The following GPATCH1 variants were observed in gnomAD, a reference collection of about 807,000 sequenced individuals.
GPATCH1 encodes the protein G-patch domain containing 1.
Under a neutral mutation model 114.9 loss-of-function variants are expected in GPATCH1, and 73 were observed. That is an observed-to-expected ratio of 0.64 (90% CI 0.53 to 0.77). The LOEUF (loss-of-function observed/expected upper bound fraction) is 0.77. Among genes scored for constraint, GPATCH1 ranks in the 30% least tolerant of loss-of-function variants. The probability of loss-of-function intolerance (pLI) is 0.00; values close to 1 mark genes in which losing one functional copy is unlikely to be tolerated. For synonymous variants in GPATCH1, 391 were observed against 428.4 expected (o/e 0.91, Z 1.08); for missense variants, 1,058 against 1,144.3 (o/e 0.92, Z 1.09).
intron 8 of GPATCH1, among the ~76,000 whole-genome samples, chr19:33,098,900 C>CA (rs1972693945): frequency 6.8e-6 from 1 of 147,914 alleles, no homozygotes; most frequent in Non-Finnish European, 1.5e-5. Flanking sequence ...TACTTACTTC[C>CA]TTTTTTTTTT....
At chr19:33,095,407 T>G (rs796793883) in intron 5 of GPATCH1, among the ~76,000 whole-genome samples, 12 of 151,906 alleles carry the variant, frequency 7.9e-5, no homozygotes, top group African/African-American at 2.9e-4. Context: ...GATTACAGGC[T>G]TGCGCCACCA....
intron 7 of GPATCH1, 123 bp from the exon 8 acceptor site, chr19:33,097,632 C>A: frequency 1.1e-6 from 1 of 884,696 alleles, no homozygotes; most frequent in Non-Finnish European, 1.8e-6. Context: ...CCGTTCACTT[C>A]TCTCTTGGTG....
chr19:33,099,187 G>A (rs10406916), intron 8 of GPATCH1, among the ~76,000 whole-genome samples: 62,028 of 149,284 alleles, frequency 0.42, 16,281 homozygotes, highest in African/African-American at 0.73. Context: ...TTATTACATA[G>A]TAATGTATTG....
At chr19:33,090,288 G>T (rs550296388) in intron 2 of GPATCH1, among the ~76,000 whole-genome samples, 1 of 152,180 alleles carries the variant, frequency 6.6e-6, no homozygotes, top group Non-Finnish European at 1.5e-5. Context: ...AGGGTACTGT[G>T]AATGTTGCCT....
intron 12 of GPATCH1, 152 bp downstream of exon 12, chr19:33,112,054 T>C: frequency 1.7e-6 from 1 of 590,144 alleles, no homozygotes; most frequent in Non-Finnish European, 2.9e-6. Flanking sequence ...CAGCCTCCGC[T>C]TCCTGGGTTC....
At chr19:33,115,135 C>T (rs533004068) in intron 15 of GPATCH1, among the ~76,000 whole-genome samples, 1 of 149,766 alleles carries the variant, frequency 6.7e-6, no homozygotes, top group African/African-American at 2.5e-5. Flanking sequence ...GATAATGGCT[C>T]ACTGCAGGCT....
intron 8 of GPATCH1, among the ~76,000 whole-genome samples, chr19:33,098,362 C>A (rs1328346677): frequency 6.6e-6 from 1 of 152,234 alleles, no homozygotes; most frequent in Non-Finnish European, 1.5e-5. Context: ...CCTTGAGTCC[C>A]TGGCTCTGAG....
chr19:33,126,453 TCTCA>T lies in GPATCH1; in HGVS notation c.2620-127_2620-124del, dbSNP rs1165574153. 23 of 1,323,604 alleles carry T rather than the reference TCTCA, an allele frequency of 1.7e-5. No homozygotes were observed. In the East Asian group the frequency reaches 5.0e-4, roughly 29 times the overall value. 82.0% of individuals were successfully genotyped at this position (1,323,604 alleles called of 1,614,324 possible). ...CTGTGCTGTCTTGTTAGGCTCTCAC[TCTCA>T]CTCACTCTAAATGAGGTTTAAACAT... On this transcript the variant is annotated intron_variant, in intron 18 of 19. Coordinates refer to ENST00000170564, the MANE Select transcript of GPATCH1 (RefSeq NM_018025.3).
Position 33,117,985 on chromosome 19 carries a change from C to G in GPATCH1, c.2357C>G (p.Ala786Gly). The G allele has an allele frequency of 6.2e-7, 1 of 1,613,736 alleles. No homozygotes were observed. Among genetic ancestry groups the G allele is most frequent in the Non-Finnish European group, 8.5e-7 (1 of 1,179,906 alleles). ...SEDDQAGSGE[A>G]NFQSSQDTDL... The stretch of plus-strand genomic sequence containing the variant: ...GATGATCAGGCAGGCTCTGGGGAGG[C>G]CAACTTCCAAAGCTCCCAAGACACT... Residue 786 changes from alanine (A) to glycine (G), a missense_variant, in exon 16 of 20, where the codon GCC becomes GGC. Physicochemically the swap from Ala to Gly is moderately conservative, Grantham distance 60. Coordinates refer to ENST00000170564, the MANE Select transcript of GPATCH1 (RefSeq NM_018025.3).
At position 33,106,779 on chromosome 19, in the gene GPATCH1, C is replaced by A. The variant is rs1393019274; in HGVS notation, c.1165C>A (p.His389Asn). The A allele has an allele frequency of 6.2e-7, 1 of 1,613,922 alleles. No individual in the cohort carries two copies. Among genetic ancestry groups the A allele is most frequent in the Admixed American group, 1.7e-5 (1 of 60,010 alleles). ...PMVAATSENS[H>N]LLQVLSESAG... ...GGTGGCCGCCACCTCCGAGAACTCA[C>A]ACTTACTGCAGGTATTATCAGAGTC... Residue 389 changes from histidine (H) to asparagine (N), a missense_variant, in exon 10 of 20, where the codon CAC becomes AAC. His to Asn is a moderately conservative substitution (Grantham distance 68, BLOSUM62 1). Around this residue, in one of 3 missense-constraint regions of GPATCH1, gnomAD observed 893 missense variants for 977.4 expected, o/e 0.91. Transcript: ENST00000170564.
intron 7 of GPATCH1, among the ~76,000 whole-genome samples, chr19:33,096,968 A>G (rs1972668175): frequency 8.1e-6 from 1 of 123,154 alleles, no homozygotes; most frequent in African/African-American, 3.2e-5. Flanking sequence ...TTTTTGAGAC[A>G]GAGTTTGACT....
chr19:33,113,495 G>A, intron 13 of GPATCH1: 1 of 345,006 alleles, frequency 2.9e-6, no homozygotes. Context: ...ACCAGAGACT[G>A]TCAGAAACTT....
chr19:33,114,954 C>T (rs1340621739), intron 15 of GPATCH1, among the ~76,000 whole-genome samples: 16 of 151,688 alleles, frequency 1.1e-4, no homozygotes, highest in East Asian at 9.7e-4. Context: ...ACTACAGGTG[C>T]GCACCACCAT....
rs1393166835 is a variant in GPATCH1 at position 33,111,767 on chromosome 19, G to C, written c.1629G>C (p.Glu543Asp). The change falls in exon 12 of 20, where the codon GAG becomes GAC. Residue 543 changes from glutamate (E) to aspartate (D), a missense_variant. Transcript: ENST00000170564. ...TGGACCCCAGCATGACAGAGTGGGA[G>C]CGAGGCCGTGAGCGGGATGAGTTTG... is the stretch of plus-strand genomic sequence containing the variant. The part of the protein sequence containing the change: ...RCLDPSMTEW[E>D]RGRERDEFAR... 1.2e-6 allele frequency: 2 copies of C among 1,614,108 alleles called. No individual in the cohort carries two copies. The highest frequency in any genetic ancestry group is 1.7e-6 in the Non-Finnish European group (2 of 1,180,012).
chr19:33,126,073 C>T (rs769126634), intron 18 of GPATCH1, among the ~76,000 whole-genome samples: 3 of 152,192 alleles, frequency 2.0e-5, no homozygotes, highest in Non-Finnish European at 2.9e-5. Context: ...AGCACTCCCA[C>T]GTATGGCGGA....
At chr19:33,105,411 C>CAAAAAA (rs922660129) in intron 9 of GPATCH1, among the ~76,000 whole-genome samples, 6 of 58,124 alleles carry the variant, frequency 1.0e-4, no homozygotes, top group Non-Finnish European at 1.4e-4. Context: ...GACTCTGTCT[C>CAAAAAA]AAAAAAAAAA....
chr19:33,092,347 G>A lies in GPATCH1; in HGVS notation c.295-1012G>A, dbSNP rs554736970. Among the ~76,000 whole-genome samples the A allele has an allele frequency of 1.1e-4, 16 of 152,078 alleles. No homozygotes were observed. In the South Asian group the frequency reaches 1.9e-3, roughly 18 times the overall value. ...ATTACAGGTGTGAGCCACCGCACCC[G>A]GCAGTCTCTTTTCTTAAAAGCAAAG... On this transcript the variant is annotated intron_variant, in intron 3 of 19. Transcript: ENST00000170564.
chr19:33,090,497 T>C (rs912615283), intron 2 of GPATCH1, among the ~76,000 whole-genome samples: 3 of 152,194 alleles, frequency 2.0e-5, no homozygotes, highest in Admixed American at 2.0e-4. Flanking sequence ...CAGATCTGCT[T>C]GTGTTCATTT....
chr19:33,127,289 C>T (rs1160784169), intron 19 of GPATCH1, among the ~76,000 whole-genome samples: 2 of 151,920 alleles, frequency 1.3e-5, no homozygotes, highest in African/African-American at 2.4e-5. Context: ...GAGGCCGAGG[C>T]GGGTGGATCA....
Sources: gnomAD v4.1 joint callset for allele counts (sites outside exome capture counted in the v4.1 genomes callset) on GRCh38, gnomAD v4.1.1 for gene constraint, gnomAD v4.1.1 regional missense constraint, MANE v1.5 for transcripts, NCBI Gene and HGNC (gene_info 2026-07-23, HGNC 2026-07-21) for gene names.